KANSL1: variants seen among roughly 807,000 people sequenced by gnomAD.
KANSL1 encodes MLL1/MLL complex subunit KANSL1.
KANSL1 carries 22 observed loss-of-function variants against 103.6 expected under a neutral mutation model. The observed-to-expected ratio is 0.21, with a 90% CI of 0.15 to 0.30. The LOEUF (loss-of-function observed/expected upper bound fraction) is 0.30. Ranked by LOEUF, KANSL1 falls within the 10% of genes least tolerant of loss-of-function variation. The pLI is 1.00. For missense variants in KANSL1, 1,337 were observed against 1,399.8 expected (o/e 0.96, Z 0.72); for synonymous variants, 600 against 527.6 (o/e 1.14, Z -1.88).
At chr17:46,170,455 G>A in intron 2 of KANSL1, 1 of 216,690 alleles carries the variant, frequency 4.6e-6, no homozygotes, top group Non-Finnish European at 8.6e-6. Context: ...AGGTAACTAG[G>A]TCAACTCAGC....
intron 2 of KANSL1, among the ~76,000 whole-genome samples, chr17:46,105,065 G>A (rs1282496174): frequency 3.3e-5 from 5 of 152,160 alleles, no homozygotes; most frequent in Admixed American, 2.0e-4. Flanking sequence ...CACCCACCTC[G>A]GCTTCCCAAA....
intron 11 of KANSL1, 191 bp from the exon 12 acceptor site, chr17:46,033,651 T>C: frequency 1.6e-6 from 1 of 623,718 alleles, no homozygotes; most frequent in Non-Finnish European, 2.9e-6. Flanking sequence ...CCTACTCAAA[T>C]GCCCAAGAAG....
At chr17:46,165,226 T>A (rs1462696833) in intron 2 of KANSL1, among the ~76,000 whole-genome samples, 1 of 152,020 alleles carries the variant, frequency 6.6e-6, no homozygotes, top group Non-Finnish European at 1.5e-5. Context: ...TACTTTTTTT[T>A]ATTTTTATTT....
rs2046315029 is a variant in KANSL1, at chr17:46,172,024, G to A, written c.120C>T (p.Ala40=). 1 of 1,614,254 alleles carries A rather than the reference G, an allele frequency of 6.2e-7. No individual in the cohort carries two copies. Among genetic ancestry groups the A allele is most frequent in the East Asian group, 2.2e-5 (1 of 44,884 alleles). ...SPGSAENNGN[A]NILIAANGTK... ...TTCCGTTGGCAGCAATAAGGATGTT[G>A]GCGTTGCCGTTATTTTCGGCACTGC... The change falls in exon 2 of 15, where the codon GCC becomes GCT. Residue 40 remains alanine, a synonymous_variant. Transcript: ENST00000432791.
chr17:46,210,490 A>AG lies in KANSL1; in HGVS notation c.-90+13180_-90+13181insC, dbSNP rs1433669714. On this transcript the variant is annotated intron_variant, in intron 1 of 14. Transcript: ENST00000572904. Reference sequence around the variant, plus strand: ...TCTGTCTCAAAAAAAAAAAAAAAAAAAAAAAAAAAAAAGACCTGAGTGGCC... The same window carrying AG: ...TCTGTCTCAAAAAAAAAAAAAAAAAAGAAAAAAAAAAAAGACCTGAGTGGCC... Among the ~76,000 whole-genome samples the AG allele has an allele frequency of 4.0e-3, 263 of 65,324 alleles. 18 individuals are homozygous for AG. Among genetic ancestry groups the AG allele is most frequent in the Non-Finnish European group, 5.3e-3 (199 of 37,412 alleles). The allele number at this position is 65,324 out of a possible 152,430, so 42.9% of individuals were successfully genotyped here. A position where few individuals can be genotyped will look rare whatever the true frequency, so the allele number is the denominator to read the frequency against.
chr17:46,039,144 T>C lies in KANSL1; in HGVS notation c.2275A>G (p.Met759Val). The C allele has an allele frequency of 6.2e-7, 1 of 1,612,452 alleles. No homozygotes were observed. The highest frequency in any genetic ancestry group is 8.5e-7 in the Non-Finnish European group (1 of 1,179,638). ...QHLDDVGAVP[M>V]VERVTAPKAE... is the part of the protein sequence containing the mutation. Reference sequence around the variant, plus strand: ...TTTGGCGCTGTCACTCGCTCCACCATGGGCACGGCCCCCACATCGTCTAAG... The same window carrying C: ...TTTGGCGCTGTCACTCGCTCCACCACGGGCACGGCCCCCACATCGTCTAAG... The change falls in exon 9 of 15, where the codon ATG becomes GTG. Residue 759 changes from methionine to valine, a missense_variant. By Grantham distance (21) the Met-to-Val change is conservative. This residue lies in a region of KANSL1 where 780 missense variants were observed against 923.4 expected (regional missense o/e 0.84). Transcript: ENST00000432791.
chr17:46,032,238 G>C lies in KANSL1; in HGVS notation c.2899C>G (p.Pro967Ala). The change falls in exon 14 of 15, where the codon CCC becomes GCC. Residue 967 changes from proline (P) to alanine (A), a missense_variant. By Grantham distance (27) the Pro-to-Ala change is conservative (BLOSUM62 -1). Around this residue, in one of 2 missense-constraint regions of KANSL1, gnomAD observed 780 missense variants for 923.4 expected, o/e 0.84. Coordinates refer to ENST00000432791, the MANE Select transcript of KANSL1 (RefSeq NM_015443.4). ...CTGACATCAGGGGAGGCAGGCTGGG[G>C]GGTGGAGGGGTTGGCACTGCCCAGC... ...PQLGSANPST[P>A]QPASPDVSSS... 1 of 1,573,682 alleles carries C rather than the reference G, an allele frequency of 6.4e-7. No homozygotes were observed. Among genetic ancestry groups the C allele is most frequent in the Non-Finnish European group, 8.6e-7 (1 of 1,156,646 alleles).
At chr17:46,137,668 G>T (rs1406544794) in intron 2 of KANSL1, among the ~76,000 whole-genome samples, 1 of 152,068 alleles carries the variant, frequency 6.6e-6, no homozygotes, top group Non-Finnish European at 1.5e-5. Flanking sequence ...AAGGTCAGGA[G>T]ATCGAGATCA....
upstream of KANSL1, chr17:46,196,805 C>G (rs1282020226): frequency 4.9e-6 from 1 of 202,086 alleles, no homozygotes; most frequent in African/African-American, 2.4e-5. Context: ...ATTATTTCTT[C>G]CTCAGAAAAG....
At chr17:46,034,509 G>A (rs995595112) in intron 10 of KANSL1, 1 of 460,588 alleles carries the variant, frequency 2.2e-6, no homozygotes, top group African/African-American at 2.0e-5. Context: ...CCATTCATAA[G>A]TCCCACTGGT....
intron 3 of KANSL1, among the ~76,000 whole-genome samples, chr17:46,083,226 G>A (rs62060853): frequency 0.14 from 21,799 of 151,996 alleles, 2,132 homozygotes; most frequent in Non-Finnish European, 0.22. Flanking sequence ...GATGGGTAAA[G>A]GCAGAAGGTA....
At chr17:46,050,381 A>G (rs2077670184) in intron 7 of KANSL1, 152 bp downstream of exon 7, 2 of 699,802 alleles carry the variant, frequency 2.9e-6, no homozygotes, top group Non-Finnish European at 4.7e-6. Context: ...GATCTGTTAC[A>G]GTCTTTTTGC....
intron 2 of KANSL1, 112 bp from the exon 3 acceptor site, chr17:46,094,813 G>A: frequency 1.6e-6 from 2 of 1,278,764 alleles, no homozygotes; most frequent in Non-Finnish European, 2.2e-6. Flanking sequence ...ACTAACTCTA[G>A]TGTCAAGAAA....
In KANSL1 at chr17:46,171,142, G is replaced by C. The variant is rs1272158850; in HGVS notation, c.1002C>G (p.Asn334Lys). The C allele has an allele frequency of 6.2e-7, 1 of 1,614,172 alleles. No individual in the cohort carries two copies. The highest frequency in any genetic ancestry group is 1.7e-5 in the Admixed American group (1 of 60,018). Reference sequence around the variant, plus strand: ...GGCTCCGTGGTCTCAAGGATTCCAAGTTTGGCAGTTTGCTCAAAGTCTTCT... The same window carrying C: ...GGCTCCGTGGTCTCAAGGATTCCAACTTTGGCAGTTTGCTCAAAGTCTTCT... ...FLEKTLSKLP[N>K]LESLRPRSQL... Residue 334 changes from asparagine (N) to lysine (K), a missense_variant, in exon 2 of 15, where the codon AAC becomes AAG. By Grantham distance (94) the Asn-to-Lys change is moderately conservative. Coordinates refer to ENST00000432791, the MANE Select transcript of KANSL1 (RefSeq NM_015443.4).
intron 4 of KANSL1, among the ~76,000 whole-genome samples, chr17:46,077,775 C>T (rs1459213095): frequency 6.6e-6 from 1 of 152,032 alleles, no homozygotes; most frequent in African/African-American, 2.4e-5. Flanking sequence ...CCAGACTGGT[C>T]TCAAACTTCT....
intron 2 of KANSL1, among the ~76,000 whole-genome samples, chr17:46,104,125 T>C (rs1180058876): frequency 2.6e-5 from 4 of 152,372 alleles, no homozygotes; most frequent in South Asian, 2.1e-4. Context: ...AATTTTTACA[T>C]GTTTAAGATT....
upstream of KANSL1, chr17:46,193,624 A>G (rs1409949365): frequency 1.0e-5 from 3 of 295,704 alleles, no homozygotes; most frequent in Non-Finnish European, 2.1e-5. Context: ...GCCGTGGCCG[A>G]TGTTTTTGTA....
chr17:46,199,370 T>C (rs1486330139), intron 1 of KANSL1, among the ~76,000 whole-genome samples: 1 of 152,198 alleles, frequency 6.6e-6, no homozygotes, highest in Non-Finnish European at 1.5e-5. Context: ...TTTAGCCAAA[T>C]GCAAGTAGAA....
intron 1 of KANSL1, among the ~76,000 whole-genome samples, chr17:46,205,680 C>CAAAAAAA (rs56154541): frequency 0.15 from 13,914 of 92,766 alleles, 96 homozygotes; most frequent in Non-Finnish European, 0.2. Flanking sequence ...GACACTGTCT[C>CAAAAAAA]AAAAAAAAAA....
Sources: gnomAD v4.1 joint callset for allele counts (sites outside exome capture counted in the v4.1 genomes callset) on GRCh38, gnomAD v4.1.1 for gene constraint, gnomAD v4.1.1 regional missense constraint, MANE v1.5 for transcripts, NCBI Gene and HGNC (gene_info 2026-07-23, HGNC 2026-07-21) for gene names.